UBR3: variants seen among roughly 807,000 people sequenced by gnomAD.
UBR3 encodes the protein ubiquitin protein ligase E3 component n-recognin 3.
Under a neutral mutation model 243.2 loss-of-function variants are expected in UBR3, and 85 were observed. That is an observed-to-expected ratio of 0.35 (90% CI 0.29 to 0.42). The LOEUF (loss-of-function observed/expected upper bound fraction) is 0.42. Among genes scored for constraint, UBR3 ranks in the 10% least tolerant of loss-of-function variants. UBR3 has a pLI of 1.00. For synonymous variants in UBR3, 748 were observed against 799.8 expected (o/e 0.94, Z 1.09); for missense variants, 1,686 against 2,300.8 (o/e 0.73, Z 5.47).
chr2:170,053,705 AT>A (rs2091273514), intron 32 of UBR3, among the ~76,000 whole-genome samples: 1 of 152,230 alleles, frequency 6.6e-6, no homozygotes, highest in African/African-American at 2.4e-5. Context: ...GACGAGAAAT[AT>A]TTAAAAAGTA....
intron 30 of UBR3, among the ~76,000 whole-genome samples, chr2:170,024,422 TG>T (rs2090475237): frequency 6.6e-6 from 1 of 151,458 alleles, no homozygotes; most frequent in Admixed American, 6.6e-5. Context: ...GGGATGGTAC[TG>T]GAACATCTGT....
In UBR3 at chr2:169,952,783, T is replaced by C. The variant is rs894636324; in HGVS notation, c.3545+2718T>C. ...ATTTAGGAGAATTCCTAAATTGGAG[T>C]TATAAAGAACTAACACAAAATTTGT... On this transcript the variant is annotated intron_variant, in intron 23 of 38. Coordinates refer to ENST00000272793, the MANE Select transcript of UBR3 (RefSeq NM_172070.4). Among the ~76,000 whole-genome samples the C allele has an allele frequency of 3.9e-5, 6 of 152,036 alleles. No individual in the cohort carries two copies. In the East Asian group the frequency reaches 1.2e-3, roughly 29 times the overall value.
chr2:169,944,084 A>G (rs2086698061), intron 20 of UBR3, among the ~76,000 whole-genome samples: 1 of 152,214 alleles, frequency 6.6e-6, no homozygotes, highest in Admixed American at 6.5e-5. Flanking sequence ...TTATTAAAAA[A>G]TGTAGAATAT....
Position 169,860,659 on chromosome 2 carries a change from G to T in UBR3, c.546-11577G>T, listed in dbSNP as rs188074112. On this transcript the variant is annotated intron_variant, in intron 1 of 38. Transcript: ENST00000272793. Reference sequence around the variant, plus strand: ...TCTTTTCATATGGTTAAGAACGATTGGTATTTCCGTTTCTCATTTTCTCTT... The same window carrying T: ...TCTTTTCATATGGTTAAGAACGATTTGTATTTCCGTTTCTCATTTTCTCTT... Among the ~76,000 whole-genome samples the T allele has an allele frequency of 1.9e-3, 295 of 152,020 alleles. 1 individual carries two copies. Among genetic ancestry groups the T allele is most frequent in the African/African-American group, 6.7e-3 (278 of 41,452 alleles).
At chr2:169,983,194 A>AGGTGGAGTT (rs1262972152) in intron 24 of UBR3, among the ~76,000 whole-genome samples, 23 of 151,060 alleles carry the variant, frequency 1.5e-4, no homozygotes, top group African/African-American at 2.2e-4. Context: ...AAACTATGCA[A>AGGTGGAGTT]GATCACCTGA....
chr2:169,971,908 C>T (rs2088169198), intron 24 of UBR3, among the ~76,000 whole-genome samples: 1 of 152,088 alleles, frequency 6.6e-6, no homozygotes. Flanking sequence ...CAAGAAATAA[C>T]TAAAATCAGA....
chr2:169,957,560 C>T (rs1206599189), intron 23 of UBR3, among the ~76,000 whole-genome samples: 2 of 108,158 alleles, frequency 1.8e-5, no homozygotes, highest in South Asian at 3.1e-4. Context: ...CAGGGCCTGT[C>T]GTGGGGTCGG....
intron 23 of UBR3, among the ~76,000 whole-genome samples, chr2:169,955,119 C>T (rs996878567): frequency 1.3e-5 from 2 of 152,100 alleles, no homozygotes; most frequent in Admixed American, 6.5e-5. Context: ...GTTTTCTTTT[C>T]ATTGTATCCC....
chr2:169,996,656 A>G (rs2089488877), intron 26 of UBR3, among the ~76,000 whole-genome samples: 1 of 139,974 alleles, frequency 7.1e-6, no homozygotes, highest in South Asian at 2.3e-4. Context: ...ACATATTTTC[A>G]CACTTTTTTC....
Position 169,988,197 on chromosome 2 carries a change from G to A in UBR3, c.3784+1403G>A, listed in dbSNP as rs191243396. 1.8e-4 allele frequency among the ~76,000 whole-genome samples: 28 copies of A among 152,194 alleles called. 1 individual carries two copies. The Middle Eastern group carries it at 0.01, about 55-fold the overall frequency. On this transcript the variant is annotated intron_variant, in intron 25 of 38. Transcript: ENST00000272793. ...TTATTGCCAATTGACTTTCAACTTC[G>A]TGATTAAATACTATATAGTTATCAA...
chr2:169,946,486 A>G (rs923441778), intron 21 of UBR3, 94 bp downstream of exon 21: 2 of 519,780 alleles, frequency 3.8e-6, no homozygotes, highest in Non-Finnish European at 6.6e-6. Flanking sequence ...TACTTTTCCT[A>G]GTTATGACAT....
Position 169,934,965 on chromosome 2 carries a change from C to T in UBR3, c.2663+1957C>T, listed in dbSNP as rs982102857. Among the ~76,000 whole-genome samples the T allele has an allele frequency of 2.4e-4, 36 of 152,086 alleles. 1 individual carries two copies. Among genetic ancestry groups the T allele is most frequent in the Admixed American group, 1.8e-3 (27 of 15,272 alleles). On this transcript the variant is annotated intron_variant, in intron 19 of 38. Transcript: ENST00000272793. ...GGGCAACAGCAAGAAGAGGCTTAAGCGAGTGAAAGTGGCTCATCCTGCTTC... is the reference window on the plus strand; with the variant it reads ...GGGCAACAGCAAGAAGAGGCTTAAGTGAGTGAAAGTGGCTCATCCTGCTTC...
intron 1 of UBR3, among the ~76,000 whole-genome samples, chr2:169,860,823 G>A (rs1357689189): frequency 6.6e-6 from 1 of 152,118 alleles, no homozygotes; most frequent in Non-Finnish European, 1.5e-5. Context: ...CCCACGATAG[G>A]TCATCTGCAA....
rs934124325 is a variant in UBR3, at chr2:170,073,445, A to C, written c.5037A>C (p.Ser1679=). The change falls in exon 36 of 39, where the codon TCA becomes TCC. Residue 1679 remains serine (S), a synonymous_variant. Coordinates refer to ENST00000272793, the MANE Select transcript of UBR3 (RefSeq NM_172070.4). ...LPSCQEEEEF[S]VLASCLGLLP... is the part of the protein sequence containing the mutation. ...TCTAAAAGGAAGAAGAAGAATTTTC[A>C]GTTCTTGCCAGCTGCCTGGGACTTC... 1 of 1,613,500 alleles carries C rather than the reference A, an allele frequency of 6.2e-7. No individual in the cohort carries two copies. The highest frequency in any genetic ancestry group is 8.5e-7 in the Non-Finnish European group (1 of 1,179,642).
chr2:170,007,691 G>A (rs182187077), intron 28 of UBR3, among the ~76,000 whole-genome samples: 131 of 151,816 alleles, frequency 8.6e-4, no homozygotes, highest in African/African-American at 3.0e-3. Context: ...TGGCAAAACC[G>A]CATCTCTACT....
intron 23 of UBR3, among the ~76,000 whole-genome samples, chr2:169,954,423 T>C (rs2087178301): frequency 6.6e-6 from 1 of 151,630 alleles, no homozygotes; most frequent in Non-Finnish European, 1.5e-5. Context: ...AAAAATTATT[T>C]GTAGAGATGA....
intron 26 of UBR3, among the ~76,000 whole-genome samples, chr2:169,999,977 T>C (rs2089636591): frequency 6.6e-6 from 1 of 151,876 alleles, no homozygotes; most frequent in Non-Finnish European, 1.5e-5. Flanking sequence ...AAATACAAAA[T>C]TAGCTGGATG....
Position 170,080,770 on chromosome 2 carries a change from A to AT in UBR3, c.5549+93dup, listed in dbSNP as rs1431414394. ...TGCTATTCCTGGCTTTGTAATTACAATTTTTTTAATATTAAGAAATTCTGA... is the reference window on the plus strand; with the variant it reads ...TGCTATTCCTGGCTTTGTAATTACAATTTTTTTTAATATTAAGAAATTCTGA... On this transcript the variant is annotated intron_variant, in intron 38 of 38. Coordinates refer to ENST00000272793, the MANE Select transcript of UBR3 (RefSeq NM_172070.4). 3.2e-5 allele frequency: 44 copies of AT among 1,386,888 alleles called. No individual in the cohort carries two copies. In the East Asian group the frequency reaches 3.3e-4, roughly 10 times the overall value. 85.9% of individuals were successfully genotyped at this position (1,386,888 alleles called of 1,614,324 possible).
At chr2:169,916,784 G>A (rs146247048) in intron 11 of UBR3, among the ~76,000 whole-genome samples, 1 of 152,056 alleles carries the variant, frequency 6.6e-6, no homozygotes, top group East Asian at 1.9e-4. Flanking sequence ...TGGCTCTGAT[G>A]CTCTACACTG....
Sources: gnomAD v4.1 joint callset for allele counts (sites outside exome capture counted in the v4.1 genomes callset) on GRCh38, gnomAD v4.1.1 for gene constraint, MANE v1.5 for transcripts, NCBI Gene and HGNC (gene_info 2026-07-23, HGNC 2026-07-21) for gene names.